ATP1A3: variants seen among roughly 807,000 people sequenced by gnomAD.
ATP1A3 encodes the protein sodium/potassium-transporting ATPase subunit alpha-3.
In ATP1A3, 12 loss-of-function variants were observed where a neutral mutation model predicts 108.8. That is an observed-to-expected ratio of 0.11 (90% CI 0.07 to 0.18). The LOEUF (loss-of-function observed/expected upper bound fraction) is 0.18. ATP1A3 is among the 10% of genes least tolerant of loss of function. The pLI, the probability that ATP1A3 is intolerant of heterozygous loss-of-function variation, is 1.00. For synonymous variants in ATP1A3, 539 were observed against 564.5 expected, an observed-to-expected ratio of 0.95 and a Z score of 0.64; for missense variants, 498 against 1,387.7, an observed-to-expected ratio of 0.36 and a Z score of 10.19.
intron 1 of ATP1A3, among the ~76,000 whole-genome samples, chr19:41,991,603 G>T (rs1555867415): frequency 6.6e-6 from 1 of 152,178 alleles, no homozygotes; most frequent in East Asian, 1.9e-4. Context: ...TGAGATGGGG[G>T]TCAGGAGAGA....
chr19:41,991,681 C>G lies in ATP1A3; in HGVS notation c.6+2390G>C, dbSNP rs191728967. 4.1e-4 allele frequency among the ~76,000 whole-genome samples: 62 copies of G among 152,218 alleles called. No individual in the cohort carries two copies. The East Asian group carries it at 6.6e-3, about 16-fold the overall frequency. The stretch of plus-strand genomic sequence containing the variant: ...AGGCTGGGAGCTGATGCTCGGGGCC[C>G]CATAAATGCTAAGGGCTGGGCCGGA... On this transcript the variant is annotated intron_variant, in intron 1 of 22. Transcript: ENST00000648268.
Position 41,968,921 on chromosome 19 carries a change from G to T in ATP1A3, c.2689-6C>A. On this transcript the variant is annotated splice_polypyrimidine_tract_variant and splice_region_variant and intron_variant, in intron 19 of 22. Transcript: ENST00000648268. This position sits in a 1 kb window ranked among gnomAD's most constrained non-coding sequence, Gnocchi z 5.0. ...ACCTTCCTCTGCTCGTATGTCTGCA[G>T]GAGCGGTGACCAGGGCACGGGACGT... The T allele has an allele frequency of 6.2e-7, 1 of 1,613,782 alleles. No homozygotes were observed. Among genetic ancestry groups the T allele is most frequent in the Non-Finnish European group, 8.5e-7 (1 of 1,179,766 alleles).
intron 16 of ATP1A3, among the ~76,000 whole-genome samples, chr19:41,972,849 GGAAGGAAGGAAA>G (rs1160270201): frequency 1.4e-3 from 198 of 139,106 alleles, no homozygotes; most frequent in Middle Eastern, 7.0e-3. Context: ...AAGGAAGGAA[GGAAGGAAGGAAA>G]GAAGGAAGGA....
In ATP1A3 at chr19:41,978,821, C is replaced by T. The variant is rs782553040; in HGVS notation, c.1438-23G>A. On this transcript the variant is annotated intron_variant, in intron 11 of 22. Transcript: ENST00000648268. The surrounding 1 kb of genome is among the most constrained non-coding windows in gnomAD (Gnocchi z 8.3). Reference sequence around the variant, plus strand: ...GAGCTGGGGACCGATCAGAGGGTGGCGTGCCTGAGCCACGCAGACACCAGG... The same window carrying T: ...GAGCTGGGGACCGATCAGAGGGTGGTGTGCCTGAGCCACGCAGACACCAGG... 1.2e-5 allele frequency: 20 copies of T among 1,612,300 alleles called. No individual in the cohort carries two copies. The highest frequency in any genetic ancestry group is 1.6e-4 in the Middle Eastern group (1 of 6,068).
Position 41,967,294 on chromosome 19 carries a change from C to T in ATP1A3, c.2968G>A (p.Val990Ile), listed in dbSNP as rs781786336. The change falls in exon 22 of 23, where the codon GTC (valine) becomes ATC (isoleucine). Residue 990 changes from valine to isoleucine, a missense_variant. Val to Ile is a conservative substitution (Grantham distance 29). Around this residue, in one of 9 missense-constraint regions of ATP1A3, gnomAD observed 29 missense variants for 41.0 expected, o/e 0.71. Transcript: ENST00000648268. The surrounding 1 kb of genome is among the most constrained non-coding windows in gnomAD (Gnocchi z 4.2). ...ATGAGTTTGCGGATTTCGTCGTAGA[C>T]GAAGATGAGGAAACTGTAGGGGAAG... ...CAFPYSFLIF[V>I]YDEIRKLILR... 1.1e-5 allele frequency: 17 copies of T among 1,613,172 alleles called. No individual in the cohort carries two copies. Among genetic ancestry groups the T allele is most frequent in the Middle Eastern group, 1.6e-4 (1 of 6,084 alleles).
chr19:41,969,009 ATCCTGCATG>A, intron 19 of ATP1A3, 94 bp from the exon 20 acceptor site: 1 of 1,585,704 alleles, frequency 6.3e-7, no homozygotes, highest in South Asian at 1.1e-5. Flanking sequence ...GCCCCGCCCC[ATCCTGCATG>A]GGGTCCTCAG....
chr19:41,981,196 G>A lies in ATP1A3; in HGVS notation c.1437+306C>T, dbSNP rs1051865267. ...AAAAATTTCGTACAGATGGGGTTTT[G>A]CCATCTTGCCCAGGCTCGTCTCGAA... On this transcript the variant is annotated intron_variant, in intron 11 of 22. Transcript: ENST00000648268. The surrounding 1 kb of genome is among the most constrained non-coding windows in gnomAD (Gnocchi z 5.0). Among the ~76,000 whole-genome samples, 8 of 151,612 alleles carry A rather than the reference G, an allele frequency of 5.3e-5. No individual in the cohort carries two copies. Among genetic ancestry groups the A allele is most frequent in the Non-Finnish European group, 1.2e-4 (8 of 67,924 alleles).
chr19:41,993,310 A>T, intron 1 of ATP1A3: 2 of 1,366,708 alleles, frequency 1.5e-6, no homozygotes, highest in Non-Finnish European at 2.0e-6. Context: ...ACGGACACAG[A>T]GGCAAGGACA....
Position 41,984,933 on chromosome 19 carries a change from C to A in ATP1A3, c.978G>T (p.Leu326=). ...GIIVANVPEG[L]LATVTVCLTL... ...CTGGCCTTACAGTGACAGTGGCCAG[C>A]AGACCCTCTGGGACATTGGCCACGA... Residue 326 remains leucine, a synonymous_variant, in exon 8 of 23, where the codon CTG becomes CTT. Coordinates refer to ENST00000648268, the MANE Select transcript of ATP1A3 (RefSeq NM_152296.5). The A allele has an allele frequency of 6.2e-7, 1 of 1,613,330 alleles. No individual in the cohort carries two copies. The highest frequency in any genetic ancestry group is 8.5e-7 in the Non-Finnish European group (1 of 1,179,666).
At chr19:41,984,886 C>T in intron 8 of ATP1A3, 32 bp downstream of exon 8, 1 of 1,599,154 alleles carries the variant, frequency 6.3e-7, no homozygotes, top group African/African-American at 1.3e-5. Flanking sequence ...CCCCCAGGCC[C>T]TCCCCACCCA....
At chr19:41,979,001 T>C (rs1436224305) in intron 11 of ATP1A3, among the ~76,000 whole-genome samples, 6 of 152,040 alleles carry the variant, frequency 3.9e-5, no homozygotes, top group Admixed American at 1.3e-4. Context: ...TTTTCTTTTT[T>C]TCTTTTTTCT....
rs2075310400 is a variant in ATP1A3 at position 41,988,833 on chromosome 19, T to C, written c.7-271A>G. 6.6e-6 allele frequency among the ~76,000 whole-genome samples: 1 copy of C among 152,218 alleles called. No individual in the cohort carries two copies. Among genetic ancestry groups the C allele is most frequent in the African/African-American group, 2.4e-5 (1 of 41,454 alleles). On this transcript the variant is annotated intron_variant, in intron 1 of 22. Coordinates refer to ENST00000648268, the MANE Select transcript of ATP1A3 (RefSeq NM_152296.5). The surrounding 1 kb of genome is among the most constrained non-coding windows in gnomAD (Gnocchi z 5.3). ...CCCTGTCTCTGGTTCTGTGTGTCTC[T>C]GAGTCTCTGTCCCCGAAGGTCCCTG...
chr19:41,990,745 G>A (rs1406914972), intron 1 of ATP1A3, among the ~76,000 whole-genome samples: 1 of 147,822 alleles, frequency 6.8e-6, no homozygotes, highest in Non-Finnish European at 1.5e-5. Context: ...CTGTCTCTGG[G>A]ATCTTCCTCT....
At chr19:41,993,378 A>T in intron 1 of ATP1A3, 2 of 1,535,122 alleles carry the variant, frequency 1.3e-6, no homozygotes, top group Non-Finnish European at 1.7e-6. Flanking sequence ...TCAGCTGTGC[A>T]CTCAGTCTCC....
At chr19:41,992,380 C>A (rs1183329592) in intron 1 of ATP1A3, among the ~76,000 whole-genome samples, 1 of 152,130 alleles carries the variant, frequency 6.6e-6, no homozygotes, top group African/African-American at 2.4e-5. Flanking sequence ...GGGGACCATG[C>A]CTGTCTCGCT....
chr19:41,975,529 C>A, intron 16 of ATP1A3, 100 bp downstream of exon 16: 1 of 1,534,034 alleles, frequency 6.5e-7, no homozygotes, highest in South Asian at 1.1e-5. Context: ...GGCCTGTGGT[C>A]TCTGCCACAC....
Position 41,986,152 on chromosome 19 carries a change from G to A in ATP1A3, c.435C>T (p.Ser145=), listed in dbSNP as rs1555865372. The part of the protein sequence containing the change: ...CFSYYQEAKS[S]KIMESFKNMV... The stretch of plus-strand genomic sequence containing the variant: ...TGTTCTTGAAGGACTCCATGATCTT[G>A]GAGCTCTTGGCCTCCTGGTAGTAGG... Residue 145 remains serine (S), a synonymous_variant, in exon 5 of 23, where the codon TCC becomes TCT. Coordinates refer to ENST00000648268, the MANE Select transcript of ATP1A3 (RefSeq NM_152296.5). The A allele has an allele frequency of 6.2e-7, 1 of 1,614,128 alleles. No homozygotes were observed. The highest frequency in any genetic ancestry group is 2.2e-5 in the East Asian group (1 of 44,878).
intron 16 of ATP1A3, among the ~76,000 whole-genome samples, chr19:41,972,885 GGGAC>G (rs1555860263): frequency 1.3e-5 from 2 of 150,362 alleles, no homozygotes; most frequent in African/African-American, 4.9e-5. Flanking sequence ...CAGGCAGGCA[GGGAC>G]GGAGGGAGGG....
In ATP1A3 at chr19:41,981,878, C is replaced by T. The variant is rs920650962; in HGVS notation, c.1192+30G>A. 6 of 1,614,094 alleles carry T rather than the reference C, an allele frequency of 3.7e-6. No homozygotes were observed. Among genetic ancestry groups the T allele is most frequent in the Non-Finnish European group, 4.2e-6 (5 of 1,180,036 alleles). ...GCCAGGGACTCCTGGAGCCAGGCCC[C>T]CATGGTCCTCACCCGGGGCCTGCGC... is the stretch of plus-strand genomic sequence containing the variant. On this transcript the variant is annotated intron_variant, in intron 9 of 22. Transcript: ENST00000648268. The surrounding 1 kb of genome is among the most constrained non-coding windows in gnomAD (Gnocchi z 5.0).
Sources: gnomAD v4.1 joint callset for allele counts (sites outside exome capture counted in the v4.1 genomes callset) on GRCh38, gnomAD v4.1.1 for gene constraint, gnomAD v4.1.1 regional missense constraint, Gnocchi (gnomAD v3.1) non-coding constraint, MANE v1.5 for transcripts, NCBI Gene and HGNC (gene_info 2026-07-23, HGNC 2026-07-21) for gene names.